ABCB6: variants seen among roughly 807,000 people sequenced by gnomAD.
The protein encoded by ABCB6 is ATP binding cassette subfamily B member 6 (LAN blood group).
In ABCB6, 87 loss-of-function variants were observed where a neutral mutation model predicts 99.4. The ratio of observed to expected loss-of-function variants is 0.88; its 90% CI spans 0.74 to 1.05. ABCB6 has a LOEUF of 1.05. Among genes scored for constraint, ABCB6 ranks in the 50% least tolerant of loss-of-function variants. The pLI is 0.00. For missense variants in ABCB6, 1,050 were observed against 1,097.9 expected, an observed-to-expected ratio of 0.96 and a Z score of 0.62; for synonymous variants, 482 against 447.5, an observed-to-expected ratio of 1.08 and a Z score of -0.97.
Position 219,218,782 on chromosome 2 carries a change from CT to C in ABCB6, c.-110del. The stretch of plus-strand genomic sequence containing the variant: ...CCGGGTGCCTTGGCTCACGTAGCCG[CT>C]GGGCGCCAAGCTGCGGGGGTCCCGG... On this transcript the variant is annotated 5_prime_UTR_variant, in exon 1 of 19. Transcript: ENST00000265316. 1 of 1,264,154 alleles carries C rather than the reference CT, an allele frequency of 7.9e-7. No individual in the cohort carries two copies. The highest frequency in any genetic ancestry group is 1.1e-6 in the Non-Finnish European group (1 of 945,258). The allele number at this position is 1,264,154 out of a possible 1,614,324, so 78.3% of individuals were successfully genotyped here.
chr2:219,216,597 C>T lies in ABCB6; in HGVS notation c.868+55G>A. The T allele has an allele frequency of 6.5e-7, 1 of 1,539,508 alleles. No individual in the cohort carries two copies. Among genetic ancestry groups the T allele is most frequent in the Non-Finnish European group, 8.8e-7 (1 of 1,137,902 alleles). On this transcript the variant is annotated intron_variant, in intron 3 of 18. Transcript: ENST00000265316. The surrounding 1 kb of genome is among the most constrained non-coding windows in gnomAD (Gnocchi z 4.2). ...CCACCTCCCTAGGTAAGGACCATCC[C>T]AGCCACCAGGCTGATGAAGGACCAG...
At position 219,216,092 on chromosome 2, in the gene ABCB6, C is replaced by T; in HGVS notation, c.1059G>A (p.Leu353=). The T allele has an allele frequency of 1.3e-6, 2 of 1,589,592 alleles. No individual in the cohort carries two copies. Among genetic ancestry groups the T allele is most frequent in the South Asian group, 2.3e-5 (2 of 87,754 alleles). ...GGTGCCAGCGCAGTGAGAGCTCGTG[C>T]AGGTGGGAGAAGATGAGCAGCTCCA... The part of the protein sequence containing the change: ...RRVELLIFSH[L]HELSLRWHLG... The change falls in exon 5 of 19, where the codon CTG becomes CTA. Residue 353 remains leucine (L), a synonymous_variant. Transcript: ENST00000265316. This position sits in a 1 kb window ranked among gnomAD's most constrained non-coding sequence, Gnocchi z 4.2.
intron 8 of ABCB6, 56 bp from the exon 9 acceptor site, chr2:219,214,007 T>C (rs1359659900): frequency 1.9e-6 from 3 of 1,612,320 alleles, no homozygotes; most frequent in Middle Eastern, 1.7e-4. Context: ...CATCAGTGAG[T>C]CCAAACCTGG....
chr2:219,215,982 C>A lies in ABCB6; in HGVS notation c.1154+15G>T. The A allele has an allele frequency of 6.5e-7, 1 of 1,545,548 alleles. No homozygotes were observed. The highest frequency in any genetic ancestry group is 1.2e-5 in the South Asian group (1 of 82,078). ...GGCTCCACCCTCCCACATGCCCTTT[C>A]CACTGGGGCGGCACCTGAGCAGCCC... On this transcript the variant is annotated intron_variant, in intron 5 of 18. Coordinates refer to ENST00000265316, the MANE Select transcript of ABCB6 (RefSeq NM_005689.4).
At position 219,214,150 on chromosome 2, in the gene ABCB6, G is replaced by A. The variant is rs140244896; in HGVS notation, c.1423C>T (p.Arg475Cys). Residue 475 changes from arginine to cysteine, a missense_variant, in exon 8 of 19, where the codon CGC becomes TGC. Transcript: ENST00000265316. ...YYNAESYEVE[R>C]YREAIIKYQG... ...TATTTGATGATGGCCTCTCGATAGC[G>A]TTCCACTTCGTAACTCTCGGCGTTG... 77 of 1,614,168 alleles carry A rather than the reference G, an allele frequency of 4.8e-5. No homozygotes were observed. In the African/African-American group the frequency reaches 5.9e-4, roughly 12 times the overall value.
At chr2:219,217,307 C>T (rs1352711844) in intron 2 of ABCB6, among the ~76,000 whole-genome samples, 2 of 151,792 alleles carry the variant, frequency 1.3e-5, no homozygotes. Flanking sequence ...GCTGAGATCG[C>T]GCCACTACAC....
chr2:219,218,095 A>G, intron 1 of ABCB6, 30 bp downstream of exon 1: 5 of 1,568,366 alleles, frequency 3.2e-6, no homozygotes, highest in Non-Finnish European at 4.3e-6. Context: ...CGGCCAGCAG[A>G]GGCTTCCCCC....
chr2:219,213,896 A>G lies in ABCB6; in HGVS notation c.1508T>C (p.Leu503Pro), dbSNP rs1950608414. 1.9e-6 allele frequency: 3 copies of G among 1,614,052 alleles called. No individual in the cohort carries two copies. The highest frequency in any genetic ancestry group is 2.5e-6 in the Non-Finnish European group (3 of 1,180,056). Residue 503 changes from leucine (L) to proline (P), a missense_variant, in exon 9 of 19, where the codon CTG becomes CCG. Coordinates refer to ENST00000265316, the MANE Select transcript of ABCB6 (RefSeq NM_005689.4). ...SLVLLNQTQN[L>P]VIGLGLLAGS... The stretch of plus-strand genomic sequence containing the variant: ...GGCGAGGAGCCCGAGCCCAATCACC[A>G]GGTTCTGGGTCTGATTTAGTAAAAC...
Position 219,218,794 on chromosome 2 carries a change from C to G in ABCB6, c.-121G>C. ...GCTCACGTAGCCGCTGGGCGCCAAG[C>G]TGCGGGGGTCCCGGGAAGGGACGCA... On this transcript the variant is annotated 5_prime_UTR_variant, in exon 1 of 19. Coordinates refer to ENST00000265316, the MANE Select transcript of ABCB6 (RefSeq NM_005689.4). The G allele has an allele frequency of 1.7e-6, 2 of 1,151,528 alleles. No homozygotes were observed. Among genetic ancestry groups the G allele is most frequent in the Non-Finnish European group, 2.4e-6 (2 of 846,744 alleles). 71.3% of individuals were successfully genotyped at this position (1,151,528 alleles called of 1,614,324 possible).
Position 219,216,350 on chromosome 2 carries a change from G to T in ABCB6, c.970+14C>A. ...GACCTATACCTAGCAGGGTGAGGGCGGAGTCTCTCATACCTGTACTGCCAG... is the reference window on the plus strand; with the variant it reads ...GACCTATACCTAGCAGGGTGAGGGCTGAGTCTCTCATACCTGTACTGCCAG... On this transcript the variant is annotated intron_variant, in intron 4 of 18. Transcript: ENST00000265316. The surrounding 1 kb of genome is among the most constrained non-coding windows in gnomAD (Gnocchi z 4.2). The T allele has an allele frequency of 1.2e-6, 2 of 1,609,286 alleles. No individual in the cohort carries two copies. Among genetic ancestry groups the T allele is most frequent in the Non-Finnish European group, 1.7e-6 (2 of 1,175,670 alleles).
At position 219,218,460 on chromosome 2, in the gene ABCB6, G is replaced by A. The variant is rs1252401601; in HGVS notation, c.214C>T (p.Pro72Ser). Residue 72 changes from proline to serine, a missense_variant, in exon 1 of 19, where the codon CCC becomes TCC. Transcript: ENST00000265316. ...LSWGAGPRIS[P>S]YVLQLLLATL... ...GCCAGAAGCAGCTGCAGCACGTAGG[G>A]AGAGATGCGAGGGCCGGCCCCCCAA... 38 of 1,608,340 alleles carry A rather than the reference G, an allele frequency of 2.4e-5. No homozygotes were observed. Among genetic ancestry groups the A allele is most frequent in the Non-Finnish European group, 3.1e-5 (37 of 1,177,944 alleles).
In ABCB6 at chr2:219,213,621, T is replaced by C. The variant is rs748961870; in HGVS notation, c.1624A>G (p.Met542Val). ...LFGTYIIQLY[M>V]PLNWFGTYYR... Reference sequence around the variant, plus strand: ...TAGGTGCCAAACCAATTGAGGGGCATGTACAGCTGGATAATGTAGGTGCCA... The same window carrying C: ...TAGGTGCCAAACCAATTGAGGGGCACGTACAGCTGGATAATGTAGGTGCCA... Residue 542 changes from methionine (M) to valine (V), a missense_variant, in exon 10 of 19, where the codon ATG (methionine) becomes GTG (valine). Coordinates refer to ENST00000265316, the MANE Select transcript of ABCB6 (RefSeq NM_005689.4). The C allele has an allele frequency of 1.9e-6, 3 of 1,614,152 alleles. No homozygotes were observed. The highest frequency in any genetic ancestry group is 2.5e-6 in the Non-Finnish European group (3 of 1,180,038).
In ABCB6 at chr2:219,218,530, A is replaced by C. The variant is rs1950678778; in HGVS notation, c.144T>G (p.Leu48=). Residue 48 remains leucine, a synonymous_variant, in exon 1 of 19, where the codon CTT becomes CTG. Transcript: ENST00000265316. ...ALGTLALVLA[L]PCRRRERPAG... is the part of the protein sequence containing the mutation. ...CGGGCCGCTCCCGGCGTCTGCAGGG[A>C]AGAGCCAGCACCAAGGCCAGAGTCC... The C allele has an allele frequency of 6.2e-7, 1 of 1,611,186 alleles. No individual in the cohort carries two copies. Among genetic ancestry groups the C allele is most frequent in the Admixed American group, 1.7e-5 (1 of 59,658 alleles).
intron 18 of ABCB6, 70 bp from the exon 19 acceptor site, chr2:219,210,116 A>C: frequency 6.3e-7 from 1 of 1,597,298 alleles, no homozygotes; most frequent in Non-Finnish European, 8.6e-7. Flanking sequence ...ACCAGCCCAC[A>C]GAGAGGACGG....
chr2:219,217,664 G>A lies in ABCB6; in HGVS notation c.687+6C>T, dbSNP rs749986187. 6.3e-7 allele frequency: 1 copy of A among 1,587,130 alleles called. No homozygotes were observed. The stretch of plus-strand genomic sequence containing the variant: ...TCTCCAAAAAAAAAAAGAAACTGAG[G>A]TGTACCTGGCTCCTTTCCACATCTT... On this transcript the variant is annotated splice_donor_region_variant and intron_variant, in intron 2 of 18. Coordinates refer to ENST00000265316, the MANE Select transcript of ABCB6 (RefSeq NM_005689.4).
In ABCB6 at chr2:219,213,674, A is replaced by T; in HGVS notation, c.1579-8T>A. 6.2e-7 allele frequency: 1 copy of T among 1,614,146 alleles called. No homozygotes were observed. The highest frequency in any genetic ancestry group is 8.5e-7 in the Non-Finnish European group (1 of 1,180,032). On this transcript the variant is annotated splice_polypyrimidine_tract_variant and splice_region_variant and intron_variant, in intron 9 of 18. Transcript: ENST00000265316. ...GAGCACATAGTCCCCAACCTGTGGC[A>T]ATCAAGGAAGCAGAGCATGTCACGG...
rs1020006400 is a variant in ABCB6 at position 219,216,894 on chromosome 2, C to T, written c.688-62G>A. On this transcript the variant is annotated intron_variant, in intron 2 of 18. Coordinates refer to ENST00000265316, the MANE Select transcript of ABCB6 (RefSeq NM_005689.4). The surrounding 1 kb of genome is among the most constrained non-coding windows in gnomAD (Gnocchi z 4.2). ...ATCAAGTAAGTGCACTAGCCAGAAACCCTTCAGGGAAAAACCTATGGGGTT... is the reference window on the plus strand; with the variant it reads ...ATCAAGTAAGTGCACTAGCCAGAAATCCTTCAGGGAAAAACCTATGGGGTT... 1.4e-6 allele frequency: 2 copies of T among 1,472,358 alleles called. No individual in the cohort carries two copies. The highest frequency in any genetic ancestry group is 1.8e-6 in the Non-Finnish European group (2 of 1,097,238). The allele number at this position is 1,472,358 out of a possible 1,614,324, so 91.2% of individuals were successfully genotyped here.
rs1402437617 is a variant in ABCB6 at position 219,218,120 on chromosome 2, C to T, written c.549+5G>A. ...AGGCTTCCCCCTTCCCACAGAGTCCCTCACCTGCTGGCCCAAGTCTGCCCT... is the reference window on the plus strand; with the variant it reads ...AGGCTTCCCCCTTCCCACAGAGTCCTTCACCTGCTGGCCCAAGTCTGCCCT... On this transcript the variant is annotated splice_donor_5th_base_variant and intron_variant, in intron 1 of 18. Transcript: ENST00000265316. 1.3e-6 allele frequency: 2 copies of T among 1,598,880 alleles called. No individual in the cohort carries two copies. The highest frequency in any genetic ancestry group is 2.2e-5 in the East Asian group (1 of 44,662).
Position 219,214,148 on chromosome 2 carries a change from G to A in ABCB6, c.1425C>T (p.Arg475=), listed in dbSNP as rs574944957. The change falls in exon 8 of 19, where the codon CGC becomes CGT. Residue 475 remains arginine (R), a synonymous_variant. Coordinates refer to ENST00000265316, the MANE Select transcript of ABCB6 (RefSeq NM_005689.4). ...YYNAESYEVE[R]YREAIIKYQG... is the part of the protein sequence containing the mutation. ...GATATTTGATGATGGCCTCTCGATA[G>A]CGTTCCACTTCGTAACTCTCGGCGT... is the stretch of plus-strand genomic sequence containing the variant. 6 of 1,614,176 alleles carry A rather than the reference G, an allele frequency of 3.7e-6. No homozygotes were observed. The Admixed American group carries it at 1.0e-4, about 27-fold the overall frequency.
Sources: allele counts gnomAD v4.1 joint callset (sites outside exome capture counted in the v4.1 genomes callset), GRCh38; gene constraint gnomAD v4.1.1; non-coding constraint Gnocchi (gnomAD v3.1); transcripts MANE v1.5; gene names NCBI Gene and HGNC (gene_info 2026-07-23, HGNC 2026-07-21).